The following ACACA variants were observed in gnomAD, a reference collection of about 807,000 sequenced individuals.
The protein encoded by ACACA is acetyl-CoA carboxylase 1.
A neutral mutation model predicts 296.1 loss-of-function variants in ACACA; 103 were observed. The ratio of observed to expected loss-of-function variants is 0.35; its 90% CI spans 0.30 to 0.41. The LOEUF is 0.41. ACACA is among the 10% of genes least tolerant of loss of function. The pLI is 1.00. For synonymous variants in ACACA, 953 were observed against 1,038.6 expected (o/e 0.92, Z 1.58); for missense variants, 1,554 against 2,989.7 (o/e 0.52, Z 11.20).
chr17:37,256,247 A>T (rs2081223219), intron 14 of ACACA, among the ~76,000 whole-genome samples: 2 of 152,198 alleles, frequency 1.3e-5, no homozygotes, highest in Admixed American at 1.3e-4. Flanking sequence ...ACAATTTGCA[A>T]GCTCTAGTGT....
intron 1 of ACACA, chr17:37,359,143 C>T: frequency 1.0e-6 from 1 of 982,458 alleles, no homozygotes; most frequent in Non-Finnish European, 1.2e-6. Context: ...AGGGGCGGGG[C>T]TTCAGGGGCC....
At chr17:37,127,845 AAAAAAAAAAAAGAAAAAG>A (rs1469290374) in intron 47 of ACACA, among the ~76,000 whole-genome samples, 4 of 149,956 alleles carry the variant, frequency 2.7e-5, no homozygotes, top group Non-Finnish European at 5.9e-5. Flanking sequence ...TCCGCCTCAA[AAAAAAAAAAAAGAAAAAG>A]AAAAAAAAAA....
At position 37,282,703 on chromosome 17, in the gene ACACA, T is replaced by C. The variant is rs546795793; in HGVS notation, c.610+564A>G. ...ACCTTAAGAGATTATACCTTAGTGA[T>C]AGAAGGTATGGAGAAGAAAGACTAG... On this transcript the variant is annotated intron_variant, in intron 5 of 55. Transcript: ENST00000616317. Among the ~76,000 whole-genome samples, 14 of 152,306 alleles carry C rather than the reference T, an allele frequency of 9.2e-5. 1 individual carries two copies. The highest frequency in any genetic ancestry group is 3.4e-4 in the African/African-American group (14 of 41,586).
intron 1 of ACACA, chr17:37,379,136 G>A: frequency 6.2e-7 from 1 of 1,610,348 alleles, no homozygotes; most frequent in Non-Finnish European, 8.5e-7. Context: ...TCTCCTTCCA[G>A]AAACTCACAC....
intron 41 of ACACA, among the ~76,000 whole-genome samples, chr17:37,164,598 C>A (rs1002611291): frequency 2.6e-5 from 4 of 152,144 alleles, no homozygotes; most frequent in African/African-American, 4.8e-5. Flanking sequence ...AAAAATAACA[C>A]AGTGAACACT....
chr17:37,093,575 A>G (rs947815807), intron 54 of ACACA, among the ~76,000 whole-genome samples: 1 of 152,070 alleles, frequency 6.6e-6, no homozygotes, highest in South Asian at 2.1e-4. Context: ...ATAGCTCACT[A>G]TAACCTCAAA....
chr17:37,321,228 T>C (rs1268035542), intron 3 of ACACA, among the ~76,000 whole-genome samples: 1 of 152,186 alleles, frequency 6.6e-6, no homozygotes, highest in Admixed American at 6.5e-5. Context: ...TTTGACCCAA[T>C]GGAAGAAGTT....
rs59079991 is a variant in ACACA at position 37,156,000 on chromosome 17, TTA to T, written c.5350-222_5350-221del. On this transcript the variant is annotated intron_variant, in intron 42 of 55. Coordinates refer to ENST00000616317, the MANE Select transcript of ACACA (RefSeq NM_198834.3). The stretch of plus-strand genomic sequence containing the variant: ...CTAACTGTCCTTGAAACAAGACACC[TTA>T]TAGCTGCAATTCCAAGTATATTCCC... 9.4e-3 allele frequency among the ~76,000 whole-genome samples: 1,429 copies of T among 151,988 alleles called. 22 individuals are homozygous for T. Among genetic ancestry groups the T allele is most frequent in the African/African-American group, 0.033 (1,386 of 41,452 alleles).
chr17:37,139,453 A>G (rs1172952158), intron 45 of ACACA, among the ~76,000 whole-genome samples: 1 of 152,202 alleles, frequency 6.6e-6, no homozygotes, highest in Non-Finnish European at 1.5e-5. Context: ...CTGTTCACTG[A>G]GGCAAGAGGG....
chr17:37,241,710 A>AAAT (rs983087959), intron 23 of ACACA, among the ~76,000 whole-genome samples: 64 of 152,218 alleles, frequency 4.2e-4, no homozygotes, highest in African/African-American at 1.4e-3. Flanking sequence ...CTGTCTCAAA[A>AAAT]AATAATAATA....
intron 50 of ACACA, among the ~76,000 whole-genome samples, chr17:37,119,846 G>A (rs2074438855): frequency 6.7e-6 from 1 of 149,688 alleles, no homozygotes; most frequent in African/African-American, 2.5e-5. Flanking sequence ...AGAGTTCATT[G>A]TTTCACATTT....
Position 37,181,278 on chromosome 17 carries a change from G to A in ACACA, c.4855C>T (p.Leu1619=). ...GCCTGGAACCTCTTTGATTGCAGCA[G>A]GTCTTTGGTCACATATGGAGTATTG... The part of the protein sequence containing the change: ...LINTPYVTKD[L]LQSKRFQAQS... The change falls in exon 40 of 56, where the codon CTG becomes TTG. Residue 1619 remains leucine (L), a synonymous_variant. Coordinates refer to ENST00000616317, the MANE Select transcript of ACACA (RefSeq NM_198834.3). 3 of 1,613,914 alleles carry A rather than the reference G, an allele frequency of 1.9e-6. No homozygotes were observed. The East Asian group carries it at 6.7e-5, about 36-fold the overall frequency.
intron 3 of ACACA, chr17:37,328,917 G>T (rs1209790794): frequency 1.0e-5 from 4 of 398,436 alleles, no homozygotes; most frequent in Non-Finnish European, 1.8e-5. Flanking sequence ...TATCTCCCAA[G>T]GCTCCCCGAG....
chr17:37,191,391 G>A, intron 37 of ACACA, 116 bp from the exon 38 acceptor site: 1 of 1,071,578 alleles, frequency 9.3e-7, no homozygotes, highest in Non-Finnish European at 1.4e-6. Context: ...TTGGTGAAGA[G>A]ATTGTTTATC....
chr17:37,125,883 G>T, intron 47 of ACACA, 89 bp from the exon 48 acceptor site: 1 of 1,166,770 alleles, frequency 8.6e-7, no homozygotes, highest in Non-Finnish European at 1.3e-6. Flanking sequence ...GTGGTTTGGG[G>T]GATTATTTTG....
chr17:37,302,792 G>A (rs2083690687), intron 3 of ACACA, among the ~76,000 whole-genome samples: 1 of 152,076 alleles, frequency 6.6e-6, no homozygotes, highest in Non-Finnish European at 1.5e-5. Context: ...CTTACACCCT[G>A]TGATCTTGAT....
chr17:37,169,231 G>C (rs1410518178), intron 41 of ACACA, among the ~76,000 whole-genome samples: 1 of 152,162 alleles, frequency 6.6e-6, no homozygotes. Flanking sequence ...CTTGAGAATA[G>C]CAACAGCTCT....
chr17:37,183,931 C>G (rs550603199), intron 39 of ACACA, among the ~76,000 whole-genome samples: 9 of 148,984 alleles, frequency 6.0e-5, no homozygotes, highest in Non-Finnish European at 3.0e-5. Context: ...CGGCTCACCA[C>G]AACCTCTGCC....
chr17:37,250,730 T>C (rs2080946664), intron 16 of ACACA, among the ~76,000 whole-genome samples: 1 of 151,776 alleles, frequency 6.6e-6, no homozygotes. Context: ...TGAGAGTCTT[T>C]AAAAAGGCCG....
Sources: allele counts gnomAD v4.1 joint callset (sites outside exome capture counted in the v4.1 genomes callset), GRCh38; gene constraint gnomAD v4.1.1; transcripts MANE v1.5; gene names NCBI Gene and HGNC (gene_info 2026-07-23, HGNC 2026-07-21).